Variants in PLPPR1 observed in about 807,000 individuals in gnomAD.
The protein encoded by PLPPR1 is phospholipid phosphatase-related protein type 1.
Under a neutral mutation model 33.1 loss-of-function variants are expected in PLPPR1, and 10 were observed. The observed-to-expected ratio is 0.30, with a 90% CI of 0.19 to 0.51. The LOEUF (loss-of-function observed/expected upper bound fraction) is 0.51, where lower values mean the gene tolerates loss of function less well. Among genes scored for constraint, PLPPR1 ranks in the 20% least tolerant of loss-of-function variants. The pLI is 0.97. For missense variants in PLPPR1, 304 were observed against 408.1 expected (o/e 0.74, Z 2.20); for synonymous variants, 151 against 151.0 (o/e 1.00, Z 0.00).
intron 1 of PLPPR1, among the ~76,000 whole-genome samples, chr9:101,043,108 C>A (rs1250751951): frequency 6.6e-6 from 1 of 151,992 alleles, no homozygotes; most frequent in Non-Finnish European, 1.5e-5. Context: ...CATTCTTATG[C>A]CTTTCCTTCC....
intron 2 of PLPPR1, among the ~76,000 whole-genome samples, chr9:101,234,172 T>C (rs960068237): frequency 2.6e-5 from 4 of 151,922 alleles, no homozygotes; most frequent in African/African-American, 9.7e-5. Context: ...CAAGTTCTTA[T>C]CCTTTTCCAC....
rs1410345353 is a variant in PLPPR1, at chr9:101,032,706, C to T, written c.-46+3604C>T. Among the ~76,000 whole-genome samples, 3 of 152,134 alleles carry T rather than the reference C, an allele frequency of 2.0e-5. No individual in the cohort carries two copies. The South Asian group carries it at 6.2e-4, about 32-fold the overall frequency. ...ATAGTAGAAGATAAATCATGACTTC[C>T]ATTTCTCCAACGTGATCAACTGACT... is the stretch of plus-strand genomic sequence containing the variant. On this transcript the variant is annotated intron_variant, in intron 1 of 7. Coordinates refer to ENST00000374874, the MANE Select transcript of PLPPR1 (RefSeq NM_207299.2).
At chr9:101,102,295 A>T (rs1264118770) in intron 1 of PLPPR1, among the ~76,000 whole-genome samples, 1 of 107,342 alleles carries the variant, frequency 9.3e-6, no homozygotes, top group Admixed American at 9.5e-5. Flanking sequence ...TCCCTCCCCC[A>T]TCCCCCGACC....
chr9:101,167,186 T>TGTGTGTGTGTG (rs1825872610), intron 1 of PLPPR1, among the ~76,000 whole-genome samples: 3 of 23,192 alleles, frequency 1.3e-4, no homozygotes, highest in Non-Finnish European at 3.8e-4. Flanking sequence ...GTGTGTGTCT[T>TGTGTGTGTGTG]TCTCTCTCTC....
At chr9:101,145,716 A>AAGAATC (rs59271380) in intron 1 of PLPPR1, among the ~76,000 whole-genome samples, 101,140 of 151,216 alleles carry the variant, frequency 0.67, 34,570 homozygotes, top group Non-Finnish European at 0.75. Context: ...ATTAAAAAAT[A>AAGAATC]AGAATAAGAA....
intron 2 of PLPPR1, among the ~76,000 whole-genome samples, chr9:101,256,431 CT>C (rs1827803291): frequency 6.6e-6 from 1 of 151,990 alleles, no homozygotes; most frequent in South Asian, 2.1e-4. Context: ...TGAAGAAGAA[CT>C]ATCTTGTGAG....
intron 1 of PLPPR1, among the ~76,000 whole-genome samples, chr9:101,054,939 G>T (rs1385652435): frequency 6.6e-6 from 1 of 152,150 alleles, no homozygotes; most frequent in Non-Finnish European, 1.5e-5. Flanking sequence ...GACGGTCTGT[G>T]GCAGGAGGGG....
At chr9:101,031,050 G>T (rs570119757) in intron 1 of PLPPR1, among the ~76,000 whole-genome samples, 18 of 152,202 alleles carry the variant, frequency 1.2e-4, no homozygotes, top group African/African-American at 4.3e-4. Context: ...AAATCTGAGT[G>T]TTTTATTTTC....
chr9:101,258,468 GT>G (rs1352231577), intron 2 of PLPPR1, among the ~76,000 whole-genome samples: 2 of 152,088 alleles, frequency 1.3e-5, no homozygotes, highest in Non-Finnish European at 2.9e-5. Flanking sequence ...GACTTCTATT[GT>G]TTTACCAGAG....
chr9:101,068,519 G>A (rs1363770716), intron 1 of PLPPR1, among the ~76,000 whole-genome samples: 1 of 151,956 alleles, frequency 6.6e-6, no homozygotes, highest in African/African-American at 2.4e-5. Context: ...GTGGGAAGGG[G>A]TAGAATTTGA....
intron 3 of PLPPR1, among the ~76,000 whole-genome samples, chr9:101,283,493 C>T (rs527414189): frequency 5.5e-4 from 83 of 152,158 alleles, no homozygotes; most frequent in African/African-American, 1.8e-3. Flanking sequence ...TATCTCACAC[C>T]GTATACAAAA....
At chr9:101,052,843 A>G (rs1172257117) in intron 1 of PLPPR1, among the ~76,000 whole-genome samples, 3 of 152,200 alleles carry the variant, frequency 2.0e-5, no homozygotes, top group South Asian at 2.1e-4. Context: ...TAGGGTGGGC[A>G]TACTGTCAAC....
chr9:101,096,859 G>T (rs550886649), intron 1 of PLPPR1, among the ~76,000 whole-genome samples: 2 of 152,240 alleles, frequency 1.3e-5, no homozygotes, highest in East Asian at 3.9e-4. Context: ...GAGCCCAGGA[G>T]TTTGAAAGCA....
At chr9:101,260,737 A>T (rs1453979095) in intron 2 of PLPPR1, among the ~76,000 whole-genome samples, 1 of 152,172 alleles carries the variant, frequency 6.6e-6, no homozygotes, top group Non-Finnish European at 1.5e-5. Context: ...AAATGATGAT[A>T]GGAGAGTCAA....
At chr9:101,266,913 C>T (rs945928183) in intron 2 of PLPPR1, among the ~76,000 whole-genome samples, 1 of 152,126 alleles carries the variant, frequency 6.6e-6, no homozygotes, top group African/African-American at 2.4e-5. Context: ...AAAATACAAT[C>T]CTCTTCCTAC....
intron 2 of PLPPR1, among the ~76,000 whole-genome samples, chr9:101,211,643 G>C (rs1826692755): frequency 6.6e-6 from 1 of 152,170 alleles, no homozygotes; most frequent in Non-Finnish European, 1.5e-5. Flanking sequence ...GGCCTGGCAT[G>C]TTCTTAAAGC....
chr9:101,257,849 T>G (rs1011634418), intron 2 of PLPPR1, among the ~76,000 whole-genome samples: 3 of 152,114 alleles, frequency 2.0e-5, no homozygotes, highest in Non-Finnish European at 4.4e-5. Flanking sequence ...TTAAGTGGAT[T>G]AATCTATTTT....
At chr9:101,208,741 G>T (rs1171710069) in intron 2 of PLPPR1, among the ~76,000 whole-genome samples, 1 of 152,108 alleles carries the variant, frequency 6.6e-6, no homozygotes, top group Non-Finnish European at 1.5e-5. Context: ...GGAGCCTTTG[G>T]AGTGGTTTTC....
Position 101,120,015 on chromosome 9 carries a change from T to G in PLPPR1, c.-45-65435T>G, listed in dbSNP as rs148368818. Among the ~76,000 whole-genome samples, 1,012 of 152,334 alleles carry G rather than the reference T, an allele frequency of 6.6e-3. 7 individuals carry two copies. The highest frequency in any genetic ancestry group is 0.011 in the Non-Finnish European group (745 of 68,024). On this transcript the variant is annotated intron_variant, in intron 1 of 7. Coordinates refer to ENST00000374874, the MANE Select transcript of PLPPR1 (RefSeq NM_207299.2). ...TGCCATAATTAGAAGTTAGCAGGTG[T>G]TTCTACTTTTAGCCTCTGTTTTATT... is the stretch of plus-strand genomic sequence containing the variant.
Sources: gnomAD v4.1 joint callset for allele counts (sites outside exome capture counted in the v4.1 genomes callset) on GRCh38, gnomAD v4.1.1 for gene constraint, MANE v1.5 for transcripts, NCBI Gene and HGNC (gene_info 2026-07-23, HGNC 2026-07-21) for gene names.